Variants in VPS45 observed in about 807,000 individuals in gnomAD.
VPS45 encodes the protein vacuolar protein sorting 45 homolog.
Under a neutral mutation model 75.9 loss-of-function variants are expected in VPS45, and 35 were observed. The observed-to-expected ratio is 0.46, with a 90% confidence interval of 0.35 to 0.61. VPS45 has a LOEUF of 0.61. Among genes scored for constraint, VPS45 ranks in the 20% least tolerant of loss-of-function variants. The probability of loss-of-function intolerance (pLI) is 0.00; values close to 1 mark genes in which losing one functional copy is unlikely to be tolerated. For missense variants in VPS45, 559 were observed against 685.9 expected, an observed-to-expected ratio of 0.81 and a Z score of 2.07; for synonymous variants, 220 against 238.2, an observed-to-expected ratio of 0.92 and a Z score of 0.70.
At chr1:150,083,651 TATTG>T in intron 10 of VPS45, among the ~76,000 whole-genome samples, 1 of 143,640 alleles carries the variant, frequency 7.0e-6, no homozygotes. Flanking sequence ...AAGAAATAAA[TATTG>T]ATATATATAT....
intron 13 of VPS45, chr1:150,110,294 C>G: frequency 2.1e-6 from 1 of 479,760 alleles, no homozygotes; most frequent in Non-Finnish European, 3.7e-6. Flanking sequence ...AAACAGAAAG[C>G]AAATCACTAT....
intron 14 of VPS45, chr1:150,142,705 G>A (rs749791500): frequency 1.1e-4 from 34 of 315,518 alleles, no homozygotes; most frequent in African/African-American, 1.8e-4. Flanking sequence ...CACTCCTGTC[G>A]CCCAGGTTGG....
chr1:150,086,532 A>G (rs1179732129), intron 10 of VPS45, among the ~76,000 whole-genome samples: 1 of 152,036 alleles, frequency 6.6e-6, no homozygotes, highest in Non-Finnish European at 1.5e-5. Flanking sequence ...TTAAAATTAT[A>G]AGAAAAGTGG....
chr1:150,067,495 T>A, upstream of VPS45: 1 of 244,600 alleles, frequency 4.1e-6, no homozygotes. Flanking sequence ...TGTGCCAGGT[T>A]CCTCATTTCG....
intron 2 of VPS45, among the ~76,000 whole-genome samples, chr1:150,070,937 C>G (rs2101490509): frequency 6.6e-6 from 1 of 151,454 alleles, no homozygotes; most frequent in South Asian, 2.1e-4. Flanking sequence ...TCTTTTAATT[C>G]ACTTTGTTAT....
At chr1:150,110,670 G>A (rs1657600436) in intron 14 of VPS45, 43 bp downstream of exon 14, 1 of 1,540,440 alleles carries the variant, frequency 6.5e-7, no homozygotes, top group Non-Finnish European at 8.8e-7. Flanking sequence ...CTCTTTCCCA[G>A]AGGATAAAGC....
chr1:150,140,377 A>G (rs1659321917), intron 14 of VPS45, among the ~76,000 whole-genome samples: 2 of 133,314 alleles, frequency 1.5e-5, no homozygotes, highest in Non-Finnish European at 3.2e-5. Flanking sequence ...TCCCAATTCC[A>G]TCACTTCTGG....
rs188130682 is a variant in VPS45, at chr1:150,068,651, T to C, written c.115T>C (p.Tyr39His). ...ACAGACTGGCATAGTGAGTATGGTA[T>C]ACACACAATCGGAGATTCTACAGAA... ...KETTGIVSMVYTQSEILQKEV... is the reference protein window; with the variant it reads ...KETTGIVSMVHTQSEILQKEV... Residue 39 changes from tyrosine to histidine, a missense_variant, in exon 2 of 15, where the codon TAC (tyrosine) becomes CAC (histidine). Physicochemically the swap from Tyr to His is moderately conservative, Grantham distance 83 (BLOSUM62 2). Coordinates refer to ENST00000644510, the MANE Select transcript of VPS45 (RefSeq NM_007259.5). The C allele has an allele frequency of 6.2e-7, 1 of 1,609,138 alleles. No homozygotes were observed. The highest frequency in any genetic ancestry group is 8.5e-7 in the Non-Finnish European group (1 of 1,177,852).
chr1:150,134,176 T>G (rs1303909847), intron 14 of VPS45, among the ~76,000 whole-genome samples: 1 of 152,214 alleles, frequency 6.6e-6, no homozygotes, highest in Non-Finnish European at 1.5e-5. Context: ...ATTCCAAGAC[T>G]TATTATATAG....
chr1:150,078,083 G>A (rs1464790644), intron 7 of VPS45, among the ~76,000 whole-genome samples: 1 of 152,096 alleles, frequency 6.6e-6, no homozygotes, highest in Non-Finnish European at 1.5e-5. Flanking sequence ...CATGCTTACA[G>A]CCATTGCCTT....
intron 13 of VPS45, among the ~76,000 whole-genome samples, chr1:150,101,659 G>A (rs587602585): frequency 1.7e-3 from 263 of 151,858 alleles, no homozygotes; most frequent in African/African-American, 6.2e-3. Context: ...GCTTGAACCC[G>A]GGAGGCAAAG....
At chr1:150,122,003 T>G (rs1382884413) in intron 14 of VPS45, among the ~76,000 whole-genome samples, 7 of 152,118 alleles carry the variant, frequency 4.6e-5, no homozygotes, top group African/African-American at 1.7e-4. Context: ...CTCAGTATGG[T>G]ATCAGGAAAG....
chr1:150,112,775 G>A (rs908950789), intron 14 of VPS45, among the ~76,000 whole-genome samples: 2 of 152,202 alleles, frequency 1.3e-5, no homozygotes, highest in South Asian at 2.1e-4. Flanking sequence ...GTAAATCAGG[G>A]GTTCCCATGA....
In VPS45 at chr1:150,129,480, G is replaced by C. The variant is rs587605053; in HGVS notation, c.1626-15229G>C. The stretch of plus-strand genomic sequence containing the variant: ...TTTAATACAGCTAAGCAAAAAAATA[G>C]CCATACTGCCACCATAGGGAATGTT... On this transcript the variant is annotated intron_variant, in intron 14 of 14. Coordinates refer to ENST00000644510, the MANE Select transcript of VPS45 (RefSeq NM_007259.5). 3.3e-3 allele frequency among the ~76,000 whole-genome samples: 503 copies of C among 152,116 alleles called. 1 individual carries two copies. Among genetic ancestry groups the C allele is most frequent in the Admixed American group, 7.0e-3 (107 of 15,254 alleles).
intron 14 of VPS45, among the ~76,000 whole-genome samples, chr1:150,114,742 T>C (rs587681912): frequency 3.3e-5 from 5 of 151,748 alleles, no homozygotes; most frequent in Admixed American, 2.0e-4. Flanking sequence ...AAACTTTGTC[T>C]CTACAAAAAA....
At chr1:150,085,979 C>T (rs1553800575) in intron 10 of VPS45, among the ~76,000 whole-genome samples, 1 of 152,076 alleles carries the variant, frequency 6.6e-6, no homozygotes, top group Non-Finnish European at 1.5e-5. Context: ...CCTCCCTATA[C>T]CCTGCCCCCC....
At chr1:150,140,516 AACT>A (rs1488283021) in intron 14 of VPS45, among the ~76,000 whole-genome samples, 13 of 151,876 alleles carry the variant, frequency 8.6e-5, no homozygotes, top group African/African-American at 2.9e-4. Context: ...TATTATTATT[AACT>A]ACTAATTAAT....
intron 14 of VPS45, among the ~76,000 whole-genome samples, chr1:150,131,578 T>C (rs1553812371): frequency 6.6e-6 from 1 of 150,838 alleles, no homozygotes; most frequent in Admixed American, 6.6e-5. Flanking sequence ...CACATGCGTA[T>C]AATCCCGATG....
intron 14 of VPS45, among the ~76,000 whole-genome samples, chr1:150,141,647 G>A (rs1355085151): frequency 6.6e-6 from 1 of 152,094 alleles, no homozygotes; most frequent in Admixed American, 6.6e-5. Context: ...CATGGAGTCA[G>A]GAAAACACCC....
Sources: allele counts gnomAD v4.1 joint callset (sites outside exome capture counted in the v4.1 genomes callset), GRCh38; gene constraint gnomAD v4.1.1; transcripts MANE v1.5; gene names NCBI Gene and HGNC (gene_info 2026-07-23, HGNC 2026-07-21).